PHF24: variants seen among roughly 807,000 people sequenced by gnomAD.
PHF24 encodes PHD finger protein 24.
Under a neutral mutation model 42.6 loss-of-function variants are expected in PHF24, and 25 were observed. That is an observed-to-expected ratio of 0.59 (90% CI 0.43 to 0.82). PHF24 has a LOEUF of 0.82. PHF24 is among the 40% of genes least tolerant of loss of function. PHF24 has a pLI of 0.00. For missense variants in PHF24, 470 were observed against 538.1 expected, an observed-to-expected ratio of 0.87 and a Z score of 1.25; for synonymous variants, 185 against 204.8, an observed-to-expected ratio of 0.90 and a Z score of 0.83.
the PHF24 span, among the ~76,000 whole-genome samples, chr9:34,737,211 C>A: frequency 1.3e-5 from 2 of 152,136 alleles, no homozygotes; most frequent in African/African-American, 4.8e-5. Context: ...TCTACCTTCC[C>A]CCTAGTCCCC....
chr9:34,724,890 A>G, the PHF24 span: 4 of 1,549,708 alleles, frequency 2.6e-6, no homozygotes, highest in Non-Finnish European at 2.6e-6. Flanking sequence ...CCCGACAGGA[A>G]GGCCAGATGC....
chr9:34,935,477 C>A, the PHF24 span, among the ~76,000 whole-genome samples: 1 of 151,850 alleles, frequency 6.6e-6, no homozygotes, highest in South Asian at 2.1e-4. Flanking sequence ...GCCTGTAGTC[C>A]CAGCTATTTG....
the PHF24 span, among the ~76,000 whole-genome samples, chr9:34,845,905 C>A: frequency 1.3e-5 from 2 of 151,986 alleles, no homozygotes; most frequent in Non-Finnish European, 2.9e-5. Context: ...CAGTTTCATC[C>A]ATGTCCCTGC....
chr9:34,771,472 T>C, the PHF24 span, among the ~76,000 whole-genome samples: 19 of 152,328 alleles, frequency 1.2e-4, no homozygotes, highest in East Asian at 2.3e-3. Flanking sequence ...AAAGTTATTA[T>C]GTGGTATATG....
chr9:34,780,290 C>CTTTTTTTTTTTTTTTTTTTTTTT, the PHF24 span, among the ~76,000 whole-genome samples: 14 of 113,948 alleles, frequency 1.2e-4, 1 homozygote, highest in East Asian at 2.8e-4. Context: ...TCTTTTTTTT[C>CTTTTTTTTTTTTTTTTTTTTTTT]TTTTTTTCTT....
At chr9:34,718,112 A>G in the PHF24 span, among the ~76,000 whole-genome samples, 5 of 152,234 alleles carry the variant, frequency 3.3e-5, no homozygotes, top group East Asian at 7.7e-4. Context: ...CTGGATTCCC[A>G]TGGGTCAGTC....
chr9:34,918,122 A>C, the PHF24 span: 2 of 1,547,310 alleles, frequency 1.3e-6, no homozygotes. Context: ...CTGCTGGTGT[A>C]GCCAATCGTA....
chr9:34,942,108 G>T, the PHF24 span, among the ~76,000 whole-genome samples: 1 of 152,114 alleles, frequency 6.6e-6, no homozygotes, highest in Non-Finnish European at 1.5e-5. Context: ...CCTTCATACT[G>T]CATCTTTTCC....
At chr9:34,839,358 A>G in the PHF24 span, among the ~76,000 whole-genome samples, 1 of 152,156 alleles carries the variant, frequency 6.6e-6, no homozygotes, top group Non-Finnish European at 1.5e-5. Context: ...GTTTGCCTGT[A>G]GGATTTTTAT....
At chr9:34,921,324 A>G in the PHF24 span, among the ~76,000 whole-genome samples, 2 of 151,848 alleles carry the variant, frequency 1.3e-5, no homozygotes, top group East Asian at 1.9e-4. Flanking sequence ...CGTGTTAACT[A>G]TTTTTACAGC....
chr9:34,726,143 C>A, the PHF24 span: 1 of 1,343,798 alleles, frequency 7.4e-7, no homozygotes, highest in Non-Finnish European at 1.0e-6. Context: ...GATGGGCTGG[C>A]CAGCCACACA....
the PHF24 span, among the ~76,000 whole-genome samples, chr9:34,679,287 C>G: frequency 1.3e-5 from 2 of 152,240 alleles, no homozygotes; most frequent in Admixed American, 1.3e-4. Context: ...GCTCACATTT[C>G]CAGCATGCTT....
At chr9:34,754,410 G>A in the PHF24 span, among the ~76,000 whole-genome samples, 1 of 151,980 alleles carries the variant, frequency 6.6e-6, no homozygotes, top group African/African-American at 2.4e-5. Flanking sequence ...ATGGCAAACA[G>A]GTCTAAGAAA....
At chr9:34,926,430 G>A in the PHF24 span, among the ~76,000 whole-genome samples, 1 of 152,042 alleles carries the variant, frequency 6.6e-6, no homozygotes, top group Non-Finnish European at 1.5e-5. The surrounding 1 kb of genome is among the most constrained non-coding windows in gnomAD (Gnocchi z 4.3). Context: ...CTGCTTGGCT[G>A]GCCTAGGGAT....
chr9:34,693,586 A>G, the PHF24 span, among the ~76,000 whole-genome samples: 1 of 152,106 alleles, frequency 6.6e-6, no homozygotes, highest in Non-Finnish European at 1.5e-5. Flanking sequence ...AGTGACTCTG[A>G]TATGTGCTAA....
At chr9:34,769,044 A>G in the PHF24 span, among the ~76,000 whole-genome samples, 1 of 152,250 alleles carries the variant, frequency 6.6e-6, no homozygotes, top group Non-Finnish European at 1.5e-5. Context: ...ATAGCAACAC[A>G]AGGAATAAAT....
At chr9:34,753,570 G>A in the PHF24 span, among the ~76,000 whole-genome samples, 1 of 152,060 alleles carries the variant, frequency 6.6e-6, no homozygotes, top group Admixed American at 6.6e-5. Flanking sequence ...ACTACCCAAA[G>A]CAATATACAG....
chr9:34,776,429 A>G, the PHF24 span, among the ~76,000 whole-genome samples: 6 of 152,166 alleles, frequency 3.9e-5, no homozygotes, highest in Admixed American at 3.3e-4. Flanking sequence ...ATTTCAAAAT[A>G]CTTATCTTCA....
At chr9:34,835,843 A>G in the PHF24 span, 21 of 1,335,444 alleles carry the variant, frequency 1.6e-5, no homozygotes, top group South Asian at 1.9e-4. Context: ...ATGGAGCTCT[A>G]TACTCTGCTC....
Sources: gnomAD v4.1 joint callset for allele counts (sites outside exome capture counted in the v4.1 genomes callset) on GRCh38, gnomAD v4.1.1 for gene constraint, Gnocchi (gnomAD v3.1) non-coding constraint, MANE v1.5 for transcripts, NCBI Gene and HGNC (gene_info 2026-07-23, HGNC 2026-07-21) for gene names.